COL11A1: variants seen among roughly 807,000 people sequenced by gnomAD.
COL11A1 encodes collagen type XI alpha 1 chain.
In COL11A1, 74 loss-of-function variants were observed where a neutral mutation model predicts 265.2. That is an observed-to-expected ratio of 0.28 (90% confidence interval 0.23 to 0.34). The LOEUF (loss-of-function observed/expected upper bound fraction) is 0.34. Among genes scored for constraint, COL11A1 ranks in the 10% least tolerant of loss-of-function variants. The pLI, the probability that COL11A1 is intolerant of heterozygous loss-of-function variation, is 1.00. For missense variants in COL11A1, 2,165 were observed against 2,263.6 expected (o/e 0.96, Z 0.88); for synonymous variants, 816 against 727.6 (o/e 1.12, Z -1.96).
At position 103,025,528 on chromosome 1, in the gene COL11A1, G is replaced by A. The variant is rs1157354380; in HGVS notation, c.983C>T (p.Thr328Ile). ...ACTGTCTATACGTATTACCTCATTT[G>A]TCCCAGAAACATGCCTAGGAGCTTC... is the stretch of plus-strand genomic sequence containing the variant. The part of the protein sequence containing the change: ...QTEAPRHVSG[T>I]NEPNPVEEIF... Residue 328 changes from threonine (T) to isoleucine (I), a missense_variant, in exon 7 of 67, where the codon ACA (threonine) becomes ATA (isoleucine). Coordinates refer to ENST00000370096, the MANE Select transcript of COL11A1 (RefSeq NM_001854.4). 1.2e-6 allele frequency: 2 copies of A among 1,609,228 alleles called. No individual in the cohort carries two copies. The highest frequency in any genetic ancestry group is 1.7e-4 in the Middle Eastern group (1 of 5,854).
intron 1 of COL11A1, among the ~76,000 whole-genome samples, chr1:103,106,722 A>G (rs776876347): frequency 2.7e-4 from 41 of 152,192 alleles, no homozygotes; most frequent in Non-Finnish European, 5.1e-4. Flanking sequence ...ATTTAGCAGG[A>G]AAAGTCACCC....
intron 60 of COL11A1, 41 bp from the exon 61 acceptor site, chr1:102,888,799 G>A (rs1348053414): frequency 6.2e-7 from 1 of 1,613,172 alleles, no homozygotes; most frequent in Non-Finnish European, 8.5e-7. Flanking sequence ...AAAATCTGGA[G>A]CATTTGTGTC....
intron 24 of COL11A1, chr1:103,001,248 A>G (rs1398000048): frequency 7.6e-6 from 3 of 397,320 alleles, no homozygotes; most frequent in Non-Finnish European, 1.3e-5. Context: ...AAAACAAGGG[A>G]ATATTTATAG....
At chr1:102,897,757 A>G (rs1429866778) in intron 57 of COL11A1, among the ~76,000 whole-genome samples, 3 of 152,076 alleles carry the variant, frequency 2.0e-5, no homozygotes, top group African/African-American at 7.2e-5. Flanking sequence ...TCAAAGAATC[A>G]CTCTATGCTG....
intron 4 of COL11A1, among the ~76,000 whole-genome samples, chr1:103,040,382 T>A (rs1306883747): frequency 1.3e-5 from 2 of 151,592 alleles, no homozygotes; most frequent in Non-Finnish European, 3.0e-5. Flanking sequence ...TAATCTCAGA[T>A]TATATACTTT....
At chr1:102,996,502 GT>G (rs1664642455) in intron 26 of COL11A1, among the ~76,000 whole-genome samples, 1 of 151,354 alleles carries the variant, frequency 6.6e-6, no homozygotes, top group Admixed American at 6.6e-5. Context: ...CCAAAAGCTG[GT>G]TTTTTCTCTA....
intron 1 of COL11A1, chr1:103,100,113 A>G (rs1030746414): frequency 3.9e-5 from 6 of 152,098 alleles, no homozygotes; most frequent in African/African-American, 1.4e-4. Flanking sequence ...GAAGACTGAC[A>G]TAAGTGAGTA....
chr1:103,012,564 A>G, intron 13 of COL11A1, 95 bp from the exon 14 acceptor site: 2 of 884,250 alleles, frequency 2.3e-6, no homozygotes, highest in Non-Finnish European at 1.9e-6. Context: ...TAAGTAATAC[A>G]TGATCAACAC....
rs773776234 is a variant in COL11A1, at chr1:102,889,547, T to G, written c.4372A>C (p.Ile1458Leu). 10 of 1,613,412 alleles carry G rather than the reference T, an allele frequency of 6.2e-6. No individual in the cohort carries two copies. The East Asian group carries it at 2.2e-4, about 36-fold the overall frequency. ...TCTCCTGGAGGACCAATCAGGCCAA[T>G]TAAACCAGGATGTCCCTTTGAAAGG... ...SKGEKGHPGL[I>L]GLIGPPGEQG... Residue 1458 changes from isoleucine to leucine, a missense_variant, in exon 59 of 67, where the codon ATT (isoleucine) becomes CTT (leucine). By Grantham distance (5) the Ile-to-Leu change is conservative. Coordinates refer to ENST00000370096, the MANE Select transcript of COL11A1 (RefSeq NM_001854.4).
chr1:102,984,830 A>C (rs1424577030), intron 30 of COL11A1, among the ~76,000 whole-genome samples: 3 of 152,048 alleles, frequency 2.0e-5, no homozygotes, highest in Non-Finnish European at 4.4e-5. Flanking sequence ...TGGAGTGTTT[A>C]TTCCTCCAAG....
At chr1:102,909,617 C>A (rs1448777402) in intron 54 of COL11A1, among the ~76,000 whole-genome samples, 2 of 151,964 alleles carry the variant, frequency 1.3e-5, no homozygotes, top group African/African-American at 4.8e-5. Flanking sequence ...CAGCAATTAA[C>A]TCATGTTTTA....
At chr1:103,046,260 C>T (rs1453471044) in intron 4 of COL11A1, among the ~76,000 whole-genome samples, 1 of 28,098 alleles carries the variant, frequency 3.6e-5, no homozygotes, top group African/African-American at 8.6e-5. Context: ...TCCTATTTCT[C>T]CACATCCTCT....
intron 28 of COL11A1, among the ~76,000 whole-genome samples, chr1:102,991,953 A>C (rs761253659): frequency 5.3e-5 from 8 of 152,014 alleles, no homozygotes; most frequent in Non-Finnish European, 1.0e-4. Context: ...TGACCACTGA[A>C]CTTGCTATTG....
At chr1:102,940,091 C>T (rs1658565395) in intron 43 of COL11A1, among the ~76,000 whole-genome samples, 1 of 152,132 alleles carries the variant, frequency 6.6e-6, no homozygotes, top group Non-Finnish European at 1.5e-5. Context: ...GTTTTTCTCA[C>T]TACCACTGTT....
intron 46 of COL11A1, among the ~76,000 whole-genome samples, chr1:102,930,263 C>G (rs1484201973): frequency 6.6e-6 from 1 of 151,530 alleles, no homozygotes; most frequent in African/African-American, 2.4e-5. Flanking sequence ...TGAAATACGT[C>G]CCATCAATAC....
At chr1:102,956,468 T>C (rs184362238) in intron 41 of COL11A1, among the ~76,000 whole-genome samples, 4 of 152,236 alleles carry the variant, frequency 2.6e-5, no homozygotes, top group Admixed American at 2.0e-4. Flanking sequence ...GAAAAAGACT[T>C]ATAGCAGCTT....
intron 28 of COL11A1, among the ~76,000 whole-genome samples, chr1:102,991,419 A>G (rs1243982021): frequency 7.0e-6 from 1 of 143,872 alleles, no homozygotes; most frequent in Admixed American, 7.4e-5. Context: ...CTAATAATCA[A>G]TATAAGGCAC....
chr1:102,936,924 TTA>T (rs1449280572), intron 44 of COL11A1, among the ~76,000 whole-genome samples: 7 of 152,132 alleles, frequency 4.6e-5, no homozygotes, highest in Non-Finnish European at 8.8e-5. Context: ...ACTACATAAT[TTA>T]TGTGAGCTTA....
chr1:103,102,910 T>C (rs981212992), intron 1 of COL11A1, among the ~76,000 whole-genome samples: 1 of 151,982 alleles, frequency 6.6e-6, no homozygotes, highest in African/African-American at 2.4e-5. Flanking sequence ...AATTTTGAGA[T>C]AGAAAATCAA....
Sources: gnomAD v4.1 joint callset for allele counts (sites outside exome capture counted in the v4.1 genomes callset) on GRCh38, gnomAD v4.1.1 for gene constraint, MANE v1.5 for transcripts, NCBI Gene and HGNC (gene_info 2026-07-23, HGNC 2026-07-21) for gene names.